Variants in RYR2 observed in about 807,000 individuals in gnomAD.
The protein encoded by RYR2 is cardiac muscle ryanodine receptor-calcium release channel.
In RYR2, 227 loss-of-function variants were observed where a neutral mutation model predicts 601.1. That is an observed-to-expected ratio of 0.38 (90% CI 0.34 to 0.42). RYR2 has a LOEUF of 0.42. Ranked by LOEUF, RYR2 falls within the 10% of genes least tolerant of loss-of-function variation. The probability of loss-of-function intolerance (pLI) is 1.00; values close to 1 mark genes in which losing one functional copy is unlikely to be tolerated. For missense variants in RYR2, 4,646 were observed against 6,156.5 expected (o/e 0.75, Z 8.21); for synonymous variants, 2,223 against 2,175.1 (o/e 1.02, Z -0.61).
chr1:237,439,312 C>G (rs1390530368), intron 12 of RYR2, among the ~76,000 whole-genome samples: 1 of 152,142 alleles, frequency 6.6e-6, no homozygotes, highest in East Asian at 1.9e-4. Flanking sequence ...AATGTAACTT[C>G]AGCATTTTTT....
intron 3 of RYR2, among the ~76,000 whole-genome samples, chr1:237,341,098 TGGCGTAGTTA>T (rs1697727976): frequency 6.6e-6 from 1 of 152,202 alleles, no homozygotes; most frequent in African/African-American, 2.4e-5. Flanking sequence ...TTAATCACAG[TGGCGTAGTTA>T]GGCACTGTTT....
intron 1 of RYR2, among the ~76,000 whole-genome samples, chr1:237,048,554 G>A (rs558333543): frequency 6.6e-6 from 1 of 151,740 alleles, no homozygotes; most frequent in Admixed American, 6.6e-5. Context: ...TTCTCTACTT[G>A]GCCTTTTATG....
rs563178074 is a variant in RYR2, at chr1:237,810,029, A to G, written c.14433+994A>G. The stretch of plus-strand genomic sequence containing the variant: ...AATAAAAATAAATTCTGAAATGAGC[A>G]TATTTTAATGCAATAAGAAGGAATA... On this transcript the variant is annotated intron_variant, in intron 100 of 104. Transcript: ENST00000366574. 1.0e-3 allele frequency among the ~76,000 whole-genome samples: 154 copies of G among 152,302 alleles called. No individual in the cohort carries two copies. The Middle Eastern group carries it at 0.01, about 10-fold the overall frequency.
At chr1:237,703,923 T>C (rs1688160476) in intron 66 of RYR2, among the ~76,000 whole-genome samples, 1 of 152,072 alleles carries the variant, frequency 6.6e-6, no homozygotes, top group Non-Finnish European at 1.5e-5. Context: ...GATACTTCTC[T>C]ACTCTCATAG....
At chr1:237,824,096 G>A (rs770357526) in intron 101 of RYR2, among the ~76,000 whole-genome samples, 2 of 152,092 alleles carry the variant, frequency 1.3e-5, no homozygotes, top group Non-Finnish European at 2.9e-5. Context: ...TTCTACCAGA[G>A]GTACAAAGAG....
At chr1:237,148,553 T>TATAGAC in intron 1 of RYR2, among the ~76,000 whole-genome samples, 1 of 105,700 alleles carries the variant, frequency 9.5e-6, no homozygotes, top group South Asian at 3.0e-4. Context: ...TATATATATA[T>TATAGAC]ACACACACAC....
At chr1:237,104,749 G>T (rs925120465) in intron 1 of RYR2, among the ~76,000 whole-genome samples, 18 of 151,962 alleles carry the variant, frequency 1.2e-4, no homozygotes, top group African/African-American at 3.1e-4. Flanking sequence ...TTCTCTCCCC[G>T]CCTAGACCCC....
chr1:237,211,033 G>A (rs1037744876), intron 1 of RYR2, among the ~76,000 whole-genome samples: 1 of 152,220 alleles, frequency 6.6e-6, no homozygotes, highest in African/African-American at 2.4e-5. Context: ...GGGCTGCTGG[G>A]ATAGTGGCCT....
intron 1 of RYR2, among the ~76,000 whole-genome samples, chr1:237,169,432 G>A (rs1677091403): frequency 6.6e-6 from 1 of 151,876 alleles, no homozygotes; most frequent in African/African-American, 2.4e-5. Flanking sequence ...CCGAGTAGCT[G>A]GGATTACAGG....
chr1:237,129,120 A>T (rs946522710), intron 1 of RYR2, among the ~76,000 whole-genome samples: 2 of 152,176 alleles, frequency 1.3e-5, no homozygotes, highest in Non-Finnish European at 2.9e-5. Flanking sequence ...CCCCCACTAC[A>T]ACCTTCCCAG....
chr1:237,655,059 C>G lies in RYR2; in HGVS notation c.7965+645C>G, dbSNP rs150375980. ...TTAGATGATTGGAGTAGTATAACCA[C>G]TAATTTGCTACATAATAGAAGAAAA... On this transcript the variant is annotated intron_variant, in intron 52 of 104. Transcript: ENST00000366574. Among the ~76,000 whole-genome samples the G allele has an allele frequency of 3.9e-3, 591 of 152,268 alleles. 1 individual carries two copies. The highest frequency in any genetic ancestry group is 0.021 in the East Asian group (108 of 5,178).
At chr1:237,247,060 T>C (rs532181517) in intron 1 of RYR2, among the ~76,000 whole-genome samples, 1 of 152,356 alleles carries the variant, frequency 6.6e-6, no homozygotes, top group Non-Finnish European at 1.5e-5. Flanking sequence ...TTTTGTCTAG[T>C]AGTAGCACTA....
chr1:237,510,754 G>C (rs1005512435), intron 23 of RYR2, among the ~76,000 whole-genome samples: 1 of 152,216 alleles, frequency 6.6e-6, no homozygotes, highest in Non-Finnish European at 1.5e-5. Flanking sequence ...CGTTAATGCC[G>C]ATGCGATTTA....
intron 3 of RYR2, among the ~76,000 whole-genome samples, chr1:237,346,825 C>G (rs188408583): frequency 1.3e-5 from 2 of 152,156 alleles, no homozygotes; most frequent in Non-Finnish European, 2.9e-5. Context: ...CGTTAAAGTA[C>G]ATAATCCCAT....
intron 17 of RYR2, among the ~76,000 whole-genome samples, chr1:237,480,938 T>G (rs1417483343): frequency 5.3e-5 from 8 of 152,048 alleles, no homozygotes; most frequent in African/African-American, 1.7e-4. Flanking sequence ...TAACCTCTGT[T>G]GCTTTTTTCT....
chr1:237,054,867 G>A (rs1276070142), intron 1 of RYR2, among the ~76,000 whole-genome samples: 2 of 152,102 alleles, frequency 1.3e-5, no homozygotes, highest in East Asian at 3.9e-4. Context: ...AAGGTGAGTG[G>A]GGGCCATGTG....
intron 11 of RYR2, 112 bp from the exon 12 acceptor site, chr1:237,422,980 T>G: frequency 1.8e-5 from 22 of 1,249,318 alleles, no homozygotes; most frequent in Non-Finnish European, 2.4e-5. Context: ...CTAAGTTTTT[T>G]GAGAACATTA....
chr1:237,495,847 A>G (rs10495397), intron 19 of RYR2, among the ~76,000 whole-genome samples: 11,754 of 152,232 alleles, frequency 0.077, 1,371 homozygotes, highest in African/African-American at 0.25. Flanking sequence ...ATTAATTCTA[A>G]AAGTCTGCTC....
In RYR2 at chr1:237,801,856, A is replaced by C. The variant is rs1660015483; in HGVS notation, c.14091A>C (p.Val4697=). ...KPKKDSSLSA[V]LNSIDVKYQM... The stretch of plus-strand genomic sequence containing the variant: ...GCATTTTTTTTTTTTGTCATTGCAG[A>C]CTGAACTCCATTGATGTGAAGTATC... The change falls in exon 98 of 105, where the codon GTA becomes GTC. Residue 4697 remains valine, a splice_region_variant and synonymous_variant. Coordinates refer to ENST00000366574, the MANE Select transcript of RYR2 (RefSeq NM_001035.3). 2 of 1,579,896 alleles carry C rather than the reference A, an allele frequency of 1.3e-6. No individual in the cohort carries two copies. The highest frequency in any genetic ancestry group is 1.7e-6 in the Non-Finnish European group (2 of 1,157,542).
Sources: allele counts gnomAD v4.1 joint callset (sites outside exome capture counted in the v4.1 genomes callset), GRCh38; gene constraint gnomAD v4.1.1; transcripts MANE v1.5; gene names NCBI Gene and HGNC (gene_info 2026-07-23, HGNC 2026-07-21).